The following DNM3 variants were observed in gnomAD, a reference collection of about 807,000 sequenced individuals.
DNM3 encodes the protein dynamin 3, also known as dynamin-3.
Under a neutral mutation model 101.6 loss-of-function variants are expected in DNM3, and 47 were observed. That is an observed-to-expected ratio of 0.46 (90% CI 0.37 to 0.59). The LOEUF (loss-of-function observed/expected upper bound fraction) is 0.59, where lower values mean the gene tolerates loss of function less well. DNM3 is among the 20% of genes least tolerant of loss of function. DNM3 has a pLI of 0.00. For synonymous variants in DNM3, 385 were observed against 387.9 expected (o/e 0.99, Z 0.09); for missense variants, 849 against 1,085.7 (o/e 0.78, Z 3.06).
intron 16 of DNM3, among the ~76,000 whole-genome samples, chr1:172,317,303 A>G (rs924067805): frequency 6.6e-6 from 1 of 151,842 alleles, no homozygotes; most frequent in African/African-American, 2.4e-5. Flanking sequence ...TCCAAAATTG[A>G]CACCCTAACA....
In DNM3 at chr1:172,289,853, TA is replaced by T. The variant is rs1260496196; in HGVS notation, c.1770-18874del. The T allele has an allele frequency of 1.8e-5, 18 of 980,700 alleles. No homozygotes were observed. The South Asian group carries it at 7.6e-4, about 41-fold the overall frequency. The allele number at this position is 980,700 out of a possible 1,614,324, so 60.7% of individuals were successfully genotyped here. A position where few individuals can be genotyped will look rare whatever the true frequency, so the allele number is the denominator to read the frequency against. ...CTGAAGTGGTTTTGTTGTTCTTTCC[TA>T]TTTAACTTTTATCATAATTTGTAGT... On this transcript the variant is annotated intron_variant, in intron 15 of 20. Transcript: ENST00000627582.
chr1:172,365,836 G>A (rs1403017244), intron 17 of DNM3, among the ~76,000 whole-genome samples: 4 of 151,944 alleles, frequency 2.6e-5, no homozygotes, highest in Admixed American at 2.0e-4. Context: ...CTGTACGTGA[G>A]AAGTCATAAT....
intron 2 of DNM3, among the ~76,000 whole-genome samples, chr1:171,933,153 G>A (rs773937851): frequency 6.6e-6 from 1 of 152,134 alleles, no homozygotes; most frequent in Non-Finnish European, 1.5e-5. Context: ...CACTCTGGCT[G>A]GTGTCAGCTG....
At chr1:172,053,479 T>G (rs2050351012) in intron 10 of DNM3, among the ~76,000 whole-genome samples, 1 of 152,174 alleles carries the variant, frequency 6.6e-6, no homozygotes, top group Non-Finnish European at 1.5e-5. Flanking sequence ...TTTATGATAC[T>G]GCCTTGAGAT....
At chr1:172,125,739 A>G (rs2056584688) in intron 13 of DNM3, among the ~76,000 whole-genome samples, 1 of 152,190 alleles carries the variant, frequency 6.6e-6, no homozygotes, top group South Asian at 2.1e-4. Context: ...GTTCTTGTTT[A>G]CTCGAATACT....
chr1:172,072,100 A>C (rs561764962), intron 11 of DNM3, among the ~76,000 whole-genome samples: 5 of 152,206 alleles, frequency 3.3e-5, no homozygotes, highest in Non-Finnish European at 7.3e-5. Flanking sequence ...AATTATGTAG[A>C]TATTTTGCTC....
At chr1:172,203,288 C>T (rs563723717) in intron 14 of DNM3, among the ~76,000 whole-genome samples, 4 of 152,222 alleles carry the variant, frequency 2.6e-5, no homozygotes, top group Admixed American at 2.6e-4. Flanking sequence ...CCTTGTGAGC[C>T]CTCAAGTGCT....
At chr1:172,307,542 A>G (rs1018409382) in intron 15 of DNM3, among the ~76,000 whole-genome samples, 2 of 152,246 alleles carry the variant, frequency 1.3e-5, no homozygotes, top group African/African-American at 4.8e-5. Context: ...CCGAAGGATC[A>G]TAAATCATGC....
chr1:172,116,641 G>T (rs1389666080), intron 13 of DNM3, among the ~76,000 whole-genome samples: 1 of 152,180 alleles, frequency 6.6e-6, no homozygotes, highest in Non-Finnish European at 1.5e-5. Context: ...GTTTTTGGAA[G>T]TACATCTGGA....
At chr1:172,058,879 A>T (rs1189619693) in intron 10 of DNM3, among the ~76,000 whole-genome samples, 1 of 151,988 alleles carries the variant, frequency 6.6e-6, no homozygotes, top group East Asian at 1.9e-4. Context: ...GACAAAAAAA[A>T]CCCTTAAAAA....
intron 1 of DNM3, among the ~76,000 whole-genome samples, chr1:171,852,155 T>C (rs984366324): frequency 6.6e-6 from 1 of 152,238 alleles, no homozygotes; most frequent in Non-Finnish European, 1.5e-5. Flanking sequence ...AATTCAGACA[T>C]TCCAAAATAC....
chr1:172,312,555 T>C (rs1241340350), intron 16 of DNM3, among the ~76,000 whole-genome samples: 1 of 152,134 alleles, frequency 6.6e-6, no homozygotes, highest in Non-Finnish European at 1.5e-5. Context: ...GATGGAATGG[T>C]TTTATGTCAC....
In DNM3 at chr1:172,173,938, A is replaced by G. The variant is rs9651000; in HGVS notation, c.1659+42650A>G. Reference sequence around the variant, plus strand: ...CCAGGACAATAGTATTTAAAAGCCAAATACCTAAGAGGAATACCAAACTAG... The same window carrying G: ...CCAGGACAATAGTATTTAAAAGCCAGATACCTAAGAGGAATACCAAACTAG... On this transcript the variant is annotated intron_variant, in intron 14 of 20. Coordinates refer to ENST00000627582, the MANE Select transcript of DNM3 (RefSeq NM_015569.5). Among the ~76,000 whole-genome samples, 999 of 151,748 alleles carry G rather than the reference A, an allele frequency of 6.6e-3. 14 individuals are homozygous for G. Among genetic ancestry groups the G allele is most frequent in the African/African-American group, 0.023 (949 of 41,472 alleles).
chr1:171,854,619 G>T (rs1571258391), intron 1 of DNM3, among the ~76,000 whole-genome samples: 1 of 151,980 alleles, frequency 6.6e-6, no homozygotes, highest in African/African-American at 2.4e-5. Flanking sequence ...TGGTTTACAT[G>T]AAATCTTTCT....
chr1:172,166,744 A>G, intron 14 of DNM3, among the ~76,000 whole-genome samples: 1 of 144,984 alleles, frequency 6.9e-6, no homozygotes, highest in East Asian at 2.0e-4. Context: ...TCATTTTTTT[A>G]TCAAAGCTGC....
chr1:172,362,430 A>T (rs190733995), intron 17 of DNM3, among the ~76,000 whole-genome samples: 3 of 151,898 alleles, frequency 2.0e-5, no homozygotes, highest in Non-Finnish European at 4.4e-5. Flanking sequence ...CGTGATGTGC[A>T]TGGTTTGATT....
Position 172,409,538 on chromosome 1 carries a change from A to G in DNM3, c.*1697A>G. The G allele has an allele frequency of 2.0e-6, 2 of 983,902 alleles. No homozygotes were observed. The highest frequency in any genetic ancestry group is 9.4e-5 in the South Asian group (2 of 21,266). The allele number at this position is 983,902 out of a possible 1,614,324, so 60.9% of individuals were successfully genotyped here. A position where few individuals can be genotyped will look rare whatever the true frequency, so the allele number is the denominator to read the frequency against. On this transcript the variant is annotated 3_prime_UTR_variant, in exon 21 of 21. Coordinates refer to ENST00000627582, the MANE Select transcript of DNM3 (RefSeq NM_015569.5). ...AACTTTTAAGGTTACCAGTGATTGT[A>G]TAAAAACATCACAATCCTAAATCCT...
At position 172,232,358 on chromosome 1, in the gene DNM3, C is replaced by T. The variant is rs561493819; in HGVS notation, c.1660-21215C>T. On this transcript the variant is annotated intron_variant, in intron 14 of 20. Transcript: ENST00000627582. Reference sequence around the variant, plus strand: ...GCTAACTATCCTAAATATATGTGCACCCAATACAGGAGCACCCAGATTCAT... The same window carrying T: ...GCTAACTATCCTAAATATATGTGCATCCAATACAGGAGCACCCAGATTCAT... 3.0e-4 allele frequency among the ~76,000 whole-genome samples: 46 copies of T among 152,252 alleles called. No individual in the cohort carries two copies. In the East Asian group the frequency reaches 5.0e-3, roughly 17 times the overall value.
intron 2 of DNM3, among the ~76,000 whole-genome samples, chr1:171,941,892 A>C (rs1476990304): frequency 6.6e-6 from 1 of 152,202 alleles, no homozygotes; most frequent in Admixed American, 6.5e-5. Flanking sequence ...AAAGGAAAAC[A>C]CTCAGATATC....
Sources: allele counts gnomAD v4.1 joint callset (sites outside exome capture counted in the v4.1 genomes callset), GRCh38; gene constraint gnomAD v4.1.1; transcripts MANE v1.5; gene names NCBI Gene and HGNC (gene_info 2026-07-23, HGNC 2026-07-21).